Variants in DPF3 observed in about 807,000 individuals in gnomAD.
The protein encoded by DPF3 is double PHD fingers 3.
Under a neutral mutation model 56.8 loss-of-function variants are expected in DPF3, and 18 were observed. The ratio of observed to expected loss-of-function variants is 0.32; its 90% confidence interval spans 0.22 to 0.47. DPF3 has a LOEUF of 0.47. Among genes scored for constraint, DPF3 ranks in the 20% least tolerant of loss-of-function variants. The pLI, the probability that DPF3 is intolerant of heterozygous loss-of-function variation, is 1.00. For synonymous variants in DPF3, 188 were observed against 180.2 expected, an observed-to-expected ratio of 1.04 and a Z score of -0.35; for missense variants, 403 against 488.8, an observed-to-expected ratio of 0.82 and a Z score of 1.65.
chr14:72,783,796 C>T (rs142443703), intron 1 of DPF3, among the ~76,000 whole-genome samples: 57 of 152,312 alleles, frequency 3.7e-4, no homozygotes, highest in African/African-American at 1.3e-3. Context: ...CTCAAAGGGC[C>T]TCTCTCTGGA....
chr14:72,812,099 G>A (rs2140019294), intron 1 of DPF3, among the ~76,000 whole-genome samples: 1 of 152,044 alleles, frequency 6.6e-6, no homozygotes, highest in African/African-American at 2.4e-5. Flanking sequence ...AAGGAGGGAG[G>A]CCAGCCATGT....
At chr14:72,894,000 G>A (rs1567274314) in intron 1 of DPF3, 57 bp downstream of exon 1, 1 of 1,599,176 alleles carries the variant, frequency 6.3e-7, no homozygotes. Context: ...CGCAGAAGGC[G>A]CCTTTTTTTT....
rs962342554 is a variant in DPF3 at position 72,667,215 on chromosome 14, T to C, written c.871+7025A>G. ...TAGTACCTCTAAAAAATTAAATGCA[T>C]ATTTCTAATTCCCAGGGTCATAGTG... On this transcript the variant is annotated intron_variant, in intron 8 of 10. Coordinates refer to ENST00000556509, the MANE Select transcript of DPF3 (RefSeq NM_001280542.3). 2.0e-5 allele frequency among the ~76,000 whole-genome samples: 3 copies of C among 152,204 alleles called. No individual in the cohort carries two copies. The South Asian group carries it at 6.2e-4, about 31-fold the overall frequency.
rs532884447 is a variant in DPF3, at chr14:72,879,728, G to A, written c.32+14329C>T. The stretch of plus-strand genomic sequence containing the variant: ...ACCAGGGGAATGTGTGACAAGAGTC[G>A]TCTCTCTGGGCAGGGACACAGAGCA... On this transcript the variant is annotated intron_variant, in intron 1 of 10. Coordinates refer to ENST00000556509, the MANE Select transcript of DPF3 (RefSeq NM_001280542.3). 1.2e-4 allele frequency: 175 copies of A among 1,450,654 alleles called. 1 individual carries two copies. Among genetic ancestry groups the A allele is most frequent in the Admixed American group, 3.0e-4 (12 of 39,782 alleles). 89.9% of individuals were successfully genotyped at this position (1,450,654 alleles called of 1,614,324 possible).
chr14:72,670,914 C>T, intron 8 of DPF3: 2 of 1,284,530 alleles, frequency 1.6e-6, no homozygotes, highest in Non-Finnish European at 2.0e-6. Flanking sequence ...GCTCATTCTG[C>T]TGTTTTGTTT....
chr14:72,663,895 G>A (rs1231577464), intron 8 of DPF3, among the ~76,000 whole-genome samples: 1 of 152,122 alleles, frequency 6.6e-6, no homozygotes, highest in African/African-American at 2.4e-5. Flanking sequence ...ATGGCCAGGT[G>A]CACAGGCCTG....
intron 1 of DPF3, among the ~76,000 whole-genome samples, chr14:72,885,368 GGGTT>G (rs1599525974): frequency 9.7e-6 from 1 of 103,192 alleles, no homozygotes; most frequent in East Asian, 2.8e-4. Context: ...CTAATTTTTT[GGGTT>G]TGTTTGTTTG....
chr14:72,728,592 T>A (rs1438071095), intron 4 of DPF3, among the ~76,000 whole-genome samples: 1 of 152,146 alleles, frequency 6.6e-6, no homozygotes, highest in Non-Finnish European at 1.5e-5. Flanking sequence ...AAAGGACAGC[T>A]AGCAAAGTAG....
chr14:72,649,268 G>A (rs772265270), intron 8 of DPF3, among the ~76,000 whole-genome samples: 6 of 152,166 alleles, frequency 3.9e-5, no homozygotes, highest in Non-Finnish European at 7.3e-5. Flanking sequence ...GGGGTGATGA[G>A]TACCCTGCCA....
intron 8 of DPF3, 139 bp from the exon 9 acceptor site, chr14:72,629,875 A>C (rs1285160455): frequency 7.3e-6 from 5 of 684,590 alleles, no homozygotes. Flanking sequence ...TGGGGACCCA[A>C]ACAGGGCCCT....
intron 1 of DPF3, among the ~76,000 whole-genome samples, chr14:72,782,416 G>C (rs1216882432): frequency 1.3e-5 from 2 of 152,072 alleles, no homozygotes; most frequent in Non-Finnish European, 2.9e-5. Context: ...ATAGAGGCAG[G>C]GTTTTGCCAT....
Position 72,618,319 on chromosome 14 carries a change from G to T in DPF3, c.*978C>A, listed in dbSNP as rs1002645688. ...TCAGAGCGTCGCATCAATACTGAAG[G>T]TTTCTCAAAGCTGCAGCCCCCTGTA... On this transcript the variant is annotated 3_prime_UTR_variant, in exon 11 of 11. Coordinates refer to ENST00000556509, the MANE Select transcript of DPF3 (RefSeq NM_001280542.3). Among the ~76,000 whole-genome samples the T allele has an allele frequency of 3.3e-5, 5 of 152,200 alleles. No homozygotes were observed. The highest frequency in any genetic ancestry group is 1.3e-4 in the Admixed American group (2 of 15,284).
chr14:72,619,510 A>G (rs1884289488), intron 10 of DPF3, 143 bp from the exon 11 acceptor site: 1 of 902,300 alleles, frequency 1.1e-6, no homozygotes, highest in South Asian at 1.7e-5. Context: ...AACGTGCCAG[A>G]GTCTGTGGCT....
chr14:72,714,230 C>G (rs878936110), intron 6 of DPF3, among the ~76,000 whole-genome samples, 193 bp downstream of exon 6: 1 of 152,190 alleles, frequency 6.6e-6, no homozygotes, highest in Non-Finnish European at 1.5e-5. Flanking sequence ...CTGCAGAAAC[C>G]CCCTGGGGCA....
chr14:72,804,933 C>T (rs1882678863), intron 1 of DPF3, among the ~76,000 whole-genome samples: 1 of 152,034 alleles, frequency 6.6e-6, no homozygotes, highest in South Asian at 2.1e-4. Flanking sequence ...TATGTGTTCC[C>T]TATCTGCCAC....
chr14:72,748,994 C>G lies in DPF3; in HGVS notation c.301+4270G>C, dbSNP rs149607421. Among the ~76,000 whole-genome samples, 591 of 152,328 alleles carry G rather than the reference C, an allele frequency of 3.9e-3. 6 individuals are homozygous for G. Among genetic ancestry groups the G allele is most frequent in the African/African-American group, 0.014 (562 of 41,582 alleles). On this transcript the variant is annotated intron_variant, in intron 3 of 10. Transcript: ENST00000556509. ...TCGGGTGGGAGCCCCCACACAGAGT[C>G]CCACCTGGGGCACCACCTAGCGGAG...
intron 2 of DPF3, among the ~76,000 whole-genome samples, chr14:72,754,201 G>A (rs955044836): frequency 1.3e-5 from 2 of 152,176 alleles, no homozygotes; most frequent in East Asian, 3.8e-4. Context: ...TCCATGCCAG[G>A]TCACAGACTA....
chr14:72,764,031 C>T (rs1333749584), intron 2 of DPF3, among the ~76,000 whole-genome samples: 1 of 152,152 alleles, frequency 6.6e-6, no homozygotes, highest in African/African-American at 2.4e-5. Flanking sequence ...CCTAAAACCC[C>T]TGGCATCTCC....
At chr14:72,695,471 A>G (rs983610108) in intron 6 of DPF3, among the ~76,000 whole-genome samples, 3 of 152,224 alleles carry the variant, frequency 2.0e-5, no homozygotes, top group Non-Finnish European at 4.4e-5. Context: ...CCCAGTGACT[A>G]TAAATTCAAG....
Sources: allele counts gnomAD v4.1 joint callset (sites outside exome capture counted in the v4.1 genomes callset), GRCh38; gene constraint gnomAD v4.1.1; transcripts MANE v1.5; gene names NCBI Gene and HGNC (gene_info 2026-07-23, HGNC 2026-07-21).